Variants in UBE4B observed in about 807,000 individuals in gnomAD.
UBE4B encodes ubiquitination factor E4B.
UBE4B carries 27 observed loss-of-function variants against 148.1 expected under a neutral mutation model. That is an observed-to-expected ratio of 0.18 (90% confidence interval 0.13 to 0.25). The LOEUF (loss-of-function observed/expected upper bound fraction) is 0.25, where lower values mean the gene tolerates loss of function less well. UBE4B is among the 10% of genes least tolerant of loss of function. UBE4B has a pLI of 1.00. For synonymous variants in UBE4B, 596 were observed against 619.3 expected (o/e 0.96, Z 0.56); for missense variants, 1,170 against 1,662.4 (o/e 0.70, Z 5.15).
chr1:10,123,688 T>C (rs1316222067), intron 10 of UBE4B, among the ~76,000 whole-genome samples: 1 of 152,172 alleles, frequency 6.6e-6, no homozygotes, highest in African/African-American at 2.4e-5. Context: ...TGTTTCCCCA[T>C]CACCAGCTTT....
intron 24 of UBE4B, among the ~76,000 whole-genome samples, chr1:10,169,477 G>T (rs1054325548): frequency 2.6e-5 from 4 of 152,110 alleles, no homozygotes; most frequent in Non-Finnish European, 2.9e-5. Flanking sequence ...AGATTTCAGT[G>T]CAAGAGCCAT....
chr1:10,105,776 G>A (rs1645095780), intron 6 of UBE4B, 32 bp downstream of exon 6: 1 of 1,596,054 alleles, frequency 6.3e-7, no homozygotes, highest in South Asian at 1.1e-5. Context: ...CATCTTACTG[G>A]TAGTAAAATA....
chr1:10,152,038 C>T (rs1170974372), intron 21 of UBE4B, among the ~76,000 whole-genome samples: 2 of 151,586 alleles, frequency 1.3e-5, no homozygotes, highest in African/African-American at 4.8e-5. Context: ...GCGGGCGGAT[C>T]ACAAGGTCAG....
At chr1:10,102,364 T>C (rs1169717493) in intron 4 of UBE4B, among the ~76,000 whole-genome samples, 1 of 147,192 alleles carries the variant, frequency 6.8e-6, no homozygotes, top group Admixed American at 6.9e-5. Context: ...ATATTTTTCC[T>C]TGGTGACTTT....
chr1:10,179,585 G>A (rs775395422), intron 27 of UBE4B, 23 bp downstream of exon 27: 29 of 1,610,424 alleles, frequency 1.8e-5, no homozygotes, highest in Admixed American at 8.3e-5. Context: ...GCAGTTTGAG[G>A]TGCAGCGCTG....
chr1:10,094,755 C>T lies in UBE4B; in HGVS notation c.212-706C>T, dbSNP rs72861437. Among the ~76,000 whole-genome samples the T allele has an allele frequency of 9.0e-3, 1,362 of 152,002 alleles. 31 individuals are homozygous for T. Among genetic ancestry groups the T allele is most frequent in the African/African-American group, 0.031 (1,281 of 41,476 alleles). On this transcript the variant is annotated intron_variant, in intron 2 of 27. Coordinates refer to ENST00000343090, the MANE Select transcript of UBE4B (RefSeq NM_001105562.3). ...AGCCTCATTAACATTTTATTATACT[C>T]GCTTTATCACATATTTTTCTATAGG...
chr1:10,099,149 G>A (rs1644971033), intron 3 of UBE4B, among the ~76,000 whole-genome samples: 2 of 152,142 alleles, frequency 1.3e-5, no homozygotes. Context: ...GGCTGAGGCA[G>A]GAGAATTGCT....
Position 10,180,446 on chromosome 1 carries a change from C to T in UBE4B, c.*490C>T, listed in dbSNP as rs1646489606. 1 of 154,344 alleles carries T rather than the reference C, an allele frequency of 6.5e-6. No homozygotes were observed. Among genetic ancestry groups the T allele is most frequent in the Non-Finnish European group, 1.4e-5 (1 of 69,416 alleles). The allele number at this position is 154,344 out of a possible 1,614,324, so 9.6% of individuals were successfully genotyped here. ...TAAGAGAAGCAAAAACAAAAGTAAA[C>T]TCCTTTCCCTGGCCCTCCAAACATA... On this transcript the variant is annotated 3_prime_UTR_variant, in exon 28 of 28. Coordinates refer to ENST00000343090, the MANE Select transcript of UBE4B (RefSeq NM_001105562.3).
rs112380015 is a variant in UBE4B at position 10,133,754 on chromosome 1, T to C, written c.2026-1234T>C. ...AATGAGACCCCATCTCTACAAAATATACAAAAGTCATCTGGGCATGGTGGC... is the reference window on the plus strand; with the variant it reads ...AATGAGACCCCATCTCTACAAAATACACAAAAGTCATCTGGGCATGGTGGC... On this transcript the variant is annotated intron_variant, in intron 15 of 27. Transcript: ENST00000343090. 4.7e-3 allele frequency among the ~76,000 whole-genome samples: 712 copies of C among 151,906 alleles called. 12 individuals are homozygous for C. The highest frequency in any genetic ancestry group is 0.016 in the African/African-American group (671 of 41,400).
At chr1:10,043,571 C>T (rs1229111591) in intron 1 of UBE4B, among the ~76,000 whole-genome samples, 3 of 151,822 alleles carry the variant, frequency 2.0e-5, no homozygotes, top group Admixed American at 6.6e-5. Flanking sequence ...GGACTACAGG[C>T]GCCCACCACC....
chr1:10,079,282 C>T (rs952007770), intron 2 of UBE4B, among the ~76,000 whole-genome samples: 4 of 151,872 alleles, frequency 2.6e-5, no homozygotes, highest in African/African-American at 9.7e-5. Flanking sequence ...CCTCAACCTC[C>T]TGAGTAGCTG....
At chr1:10,078,879 C>T (rs1333181342) in intron 2 of UBE4B, among the ~76,000 whole-genome samples, 2 of 152,114 alleles carry the variant, frequency 1.3e-5, no homozygotes, top group Non-Finnish European at 2.9e-5. Flanking sequence ...TACAGTGGTG[C>T]GACCATAGCT....
At position 10,168,032 on chromosome 1, in the gene UBE4B, A is replaced by G; in HGVS notation, c.3199-104A>G. On this transcript the variant is annotated intron_variant, in intron 23 of 27. Coordinates refer to ENST00000343090, the MANE Select transcript of UBE4B (RefSeq NM_001105562.3). This position sits in a 1 kb window ranked among gnomAD's most constrained non-coding sequence, Gnocchi z 4.9. ...GTGGCAGGCGGTTCTGTCATTCCCT[A>G]AGCATGTTGGGTTTATCACGCACTT... 7.3e-7 allele frequency: 1 copy of G among 1,366,968 alleles called. No homozygotes were observed. The highest frequency in any genetic ancestry group is 1.7e-5 in the South Asian group (1 of 60,588). 84.7% of individuals were successfully genotyped at this position (1,366,968 alleles called of 1,614,324 possible).
At chr1:10,067,664 C>T (rs1001557625) in intron 1 of UBE4B, among the ~76,000 whole-genome samples, 1 of 151,118 alleles carries the variant, frequency 6.6e-6, no homozygotes, top group African/African-American at 2.4e-5. Flanking sequence ...GTTGCACAGA[C>T]TGGATTTTAT....
At position 10,106,537 on chromosome 1, in the gene UBE4B, C is replaced by G. The variant is rs757383030; in HGVS notation, c.1150C>G (p.Pro384Ala). ...GGGTCCACCCCTACCACCCGCCTCA[C>G]CCAGTGCCACGAGCAGACGCCCCTC... ...STGPPLPPAS[P>A]SATSRRPSSL... The change falls in exon 7 of 28, where the codon CCC becomes GCC. Residue 384 changes from proline to alanine, a missense_variant. By Grantham distance (27) the Pro-to-Ala change is conservative (BLOSUM62 -1). Coordinates refer to ENST00000343090, the MANE Select transcript of UBE4B (RefSeq NM_001105562.3). The surrounding 1 kb of genome is among the most constrained non-coding windows in gnomAD (Gnocchi z 4.2). The G allele has an allele frequency of 2.5e-6, 4 of 1,600,618 alleles. No individual in the cohort carries two copies. The highest frequency in any genetic ancestry group is 3.4e-6 in the Non-Finnish European group (4 of 1,175,888).
At chr1:10,115,164 C>CTT (rs5772396) in intron 7 of UBE4B, among the ~76,000 whole-genome samples, 7 of 137,034 alleles carry the variant, frequency 5.1e-5, no homozygotes, top group Non-Finnish European at 8.0e-5. Context: ...TAATACCATA[C>CTT]TTTTTTTTTT....
At chr1:10,043,691 G>A (rs1178028577) in intron 1 of UBE4B, among the ~76,000 whole-genome samples, 1 of 152,122 alleles carries the variant, frequency 6.6e-6, no homozygotes, top group East Asian at 1.9e-4. Context: ...GCCTCCCAAA[G>A]TGCTGGGATT....
At chr1:10,116,503 T>A (rs1298010671) in intron 7 of UBE4B, among the ~76,000 whole-genome samples, 1 of 152,190 alleles carries the variant, frequency 6.6e-6, no homozygotes, top group African/African-American at 2.4e-5. Flanking sequence ...TGTTTTCTCA[T>A]TTTCTTCATT....
At chr1:10,163,670 A>G (rs1338156204) in intron 23 of UBE4B, among the ~76,000 whole-genome samples, 1 of 152,016 alleles carries the variant, frequency 6.6e-6, no homozygotes. Context: ...TCCGTCTCAA[A>G]TAAATAAATA....
Sources: allele counts gnomAD v4.1 joint callset (sites outside exome capture counted in the v4.1 genomes callset), GRCh38; gene constraint gnomAD v4.1.1; non-coding constraint Gnocchi (gnomAD v3.1); transcripts MANE v1.5; gene names NCBI Gene and HGNC (gene_info 2026-07-23, HGNC 2026-07-21).